The following TCOF1 variants were observed in gnomAD, a reference collection of about 807,000 sequenced individuals.
The protein encoded by TCOF1 is treacle ribosome biogenesis factor 1.
In TCOF1, 33 loss-of-function variants were observed where a neutral mutation model predicts 149.0. The observed-to-expected ratio is 0.22, with a 90% CI of 0.17 to 0.30. The LOEUF (loss-of-function observed/expected upper bound fraction) is 0.30. Among genes scored for constraint, TCOF1 ranks in the 10% least tolerant of loss-of-function variants. The pLI is 1.00. For missense variants in TCOF1, 1,728 were observed against 1,840.7 expected, an observed-to-expected ratio of 0.94 and a Z score of 1.12; for synonymous variants, 789 against 738.8, an observed-to-expected ratio of 1.07 and a Z score of -1.10.
intron 23 of TCOF1, 68 bp from the exon 24 acceptor site, chr5:150,396,214 C>T (rs1768470781): frequency 1.3e-6 from 2 of 1,570,124 alleles, no homozygotes; most frequent in Admixed American, 1.7e-5. Flanking sequence ...ACCCTCTTCG[C>T]TCTTAGGTAC....
At position 150,369,580 on chromosome 5, in the gene TCOF1, C is replaced by T; in HGVS notation, c.617C>T (p.Ser206Phe). ...AGCTCCAGCGAGGACACCTCCAGCT[C>T]CAGTGATGAGACAGACGTGGAGGTA... ...ADSSSEDTSS[S>F]SDETDVEGKP... The change falls in exon 6 of 27, where the codon TCC becomes TTC. Residue 206 changes from serine (S) to phenylalanine (F), a missense_variant. Transcript: ENST00000643257. The T allele has an allele frequency of 6.2e-7, 1 of 1,614,142 alleles. No homozygotes were observed. The highest frequency in any genetic ancestry group is 8.5e-7 in the Non-Finnish European group (1 of 1,180,026).
At chr5:150,396,259 G>A (rs370528735) in intron 23 of TCOF1, 23 bp from the exon 24 acceptor site, 2 of 1,613,598 alleles carry the variant, frequency 1.2e-6, no homozygotes, top group South Asian at 1.1e-5. Context: ...CCAGATCTGT[G>A]ACCCCACATT....
chr5:150,374,254 A>C lies in TCOF1; in HGVS notation c.951A>C (p.Pro317=), dbSNP rs755951077. The change falls in exon 8 of 27, where the codon CCA becomes CCC. Residue 317 remains proline, a synonymous_variant. Transcript: ENST00000643257. The part of the protein sequence containing the change: ...AKGTPGKGAT[P]APPGKAGAVA... ...GGACCCCTGGGAAAGGGGCTACCCC[A>C]GCACCCCCTGGGAAGGCAGGGGCTG... is the stretch of plus-strand genomic sequence containing the variant. The C allele has an allele frequency of 9.3e-6, 15 of 1,609,290 alleles. No individual in the cohort carries two copies. The highest frequency in any genetic ancestry group is 6.7e-5 in the Admixed American group (4 of 59,456).
intron 1 of TCOF1, among the ~76,000 whole-genome samples, chr5:150,360,239 C>T (rs536750317): frequency 2.6e-5 from 4 of 152,332 alleles, no homozygotes; most frequent in Non-Finnish European, 5.9e-5. Context: ...TCAGTCCACC[C>T]GTGCCCCACA....
At chr5:150,394,574 A>G (rs1768053382) in intron 23 of TCOF1, 1 of 152,268 alleles carries the variant, frequency 6.6e-6, no homozygotes. Context: ...CACTTGGGAC[A>G]GCTCCAGGGC....
chr5:150,381,454 AGAT>A (rs944690061), intron 17 of TCOF1, among the ~76,000 whole-genome samples: 4 of 152,146 alleles, frequency 2.6e-5, no homozygotes, highest in Non-Finnish European at 4.4e-5. Context: ...GAAAAGGAGG[AGAT>A]GATTGAGCTG....
intron 2 of TCOF1, among the ~76,000 whole-genome samples, chr5:150,363,733 G>T (rs933803533): frequency 7.2e-5 from 11 of 152,230 alleles, no homozygotes; most frequent in African/African-American, 2.7e-4. Flanking sequence ...AGACGGGAAG[G>T]ACGAGGACCT....
rs574236733 is a variant in TCOF1, at chr5:150,373,963, A to G, written c.871-211A>G. On this transcript the variant is annotated intron_variant, in intron 7 of 26. Coordinates refer to ENST00000643257, the MANE Select transcript of TCOF1 (RefSeq NM_001371623.1). ...GGCTAAGTGAAATGGAACAGGGGGC[A>G]TGGAGGCTCCAGGAGTGAGAGTGTG... Among the ~76,000 whole-genome samples the G allele has an allele frequency of 2.4e-4, 36 of 152,292 alleles. No individual in the cohort carries two copies. In the South Asian group the frequency reaches 6.8e-3, roughly 29 times the overall value.
chr5:150,395,550 T>A (rs55829934), intron 23 of TCOF1, among the ~76,000 whole-genome samples: 1,736 of 151,756 alleles, frequency 0.011, 34 homozygotes, highest in Non-Finnish European at 0.019. Flanking sequence ...TTTTTTTTTT[T>A]ACACGTGTAG....
In TCOF1 at chr5:150,396,683, G is replaced by T. The variant is rs371540388; in HGVS notation, c.4186G>T (p.Ala1396Ser). 26 of 1,612,546 alleles carry T rather than the reference G, an allele frequency of 1.6e-5. No individual in the cohort carries two copies. Among genetic ancestry groups the T allele is most frequent in the South Asian group, 1.2e-4 (11 of 90,864 alleles). ...TSKGKAKRDKASGDVKEKKGK... is the reference protein window; with the variant it reads ...TSKGKAKRDKSSGDVKEKKGK... ...CAAGGGGAAAGCAAAGAGAGACAAA[G>T]CAAGTGGTGATGTCAAGGAGAAGAA... Residue 1396 changes from alanine (A) to serine (S), a missense_variant, in exon 24 of 27, where the codon GCA (alanine) becomes TCA (serine). Ala to Ser is a moderately conservative substitution (Grantham distance 99). Around this residue, in one of 2 missense-constraint regions of TCOF1, gnomAD observed 1,696 missense variants for 1,765.4 expected, o/e 0.96. Transcript: ENST00000643257.
rs370130791 is a variant in TCOF1 at position 150,388,012 on chromosome 5, G to C, written c.2970G>C (p.Ser990=). 33 of 1,613,690 alleles carry C rather than the reference G, an allele frequency of 2.0e-5. No homozygotes were observed. The highest frequency in any genetic ancestry group is 2.5e-5 in the Non-Finnish European group (30 of 1,180,032). Reference sequence around the variant, plus strand: ...GCACCCCGAGGAAGGCCCGAGCCTCGGAGAGCACAGCCAGGAGCTCCTCCT... The same window carrying C: ...GCACCCCGAGGAAGGCCCGAGCCTCCGAGAGCACAGCCAGGAGCTCCTCCT... The part of the protein sequence containing the change: ...AASTPRKARA[S]ESTARSSSSE... The change falls in exon 18 of 27, where the codon TCG becomes TCC. Residue 990 remains serine, a synonymous_variant. Coordinates refer to ENST00000643257, the MANE Select transcript of TCOF1 (RefSeq NM_001371623.1).
At position 150,374,632 on chromosome 5, in the gene TCOF1, A is replaced by G; in HGVS notation, c.1099A>G (p.Lys367Glu). Residue 367 changes from lysine (K) to glutamate (E), a missense_variant, in exon 9 of 27, where the codon AAA (lysine) becomes GAA (glutamate). Lys to Glu is a moderately conservative substitution (Grantham distance 56, BLOSUM62 1). Around this residue, in one of 2 missense-constraint regions of TCOF1, gnomAD observed 1,696 missense variants for 1,765.4 expected, o/e 0.96. Transcript: ENST00000643257. ...GTTTCTCCAGGCGAAGGCCTCAGGA[A>G]AAACCTCTCAGGTCGGAGCTGCCTC... ...KALLQAKASG[K>E]TSQVGAASAP... 2 of 1,612,636 alleles carry G rather than the reference A, an allele frequency of 1.2e-6. No homozygotes were observed. Among genetic ancestry groups the G allele is most frequent in the East Asian group, 2.2e-5 (1 of 44,748 alleles).
chr5:150,385,052 G>C (rs1441662942), intron 17 of TCOF1: 1 of 985,264 alleles, frequency 1.0e-6, no homozygotes, highest in Non-Finnish European at 1.2e-6. Context: ...ACAGCTTCCA[G>C]ATTTAAAAAC....
chr5:150,372,194 A>G lies in TCOF1; in HGVS notation c.828A>G (p.Gly276=), dbSNP rs1257987922. The change falls in exon 7 of 27, where the codon GGA becomes GGG. Residue 276 remains glycine, a synonymous_variant. Coordinates refer to ENST00000643257, the MANE Select transcript of TCOF1 (RefSeq NM_001371623.1). The part of the protein sequence containing the change: ...PEEESESSEE[G]SESEEEAPAG... Reference sequence around the variant, plus strand: ...AGGAGTCAGAGAGTAGTGAGGAGGGATCTGAAAGTGAGGAGGAGGCCCCTG... The same window carrying G: ...AGGAGTCAGAGAGTAGTGAGGAGGGGTCTGAAAGTGAGGAGGAGGCCCCTG... The G allele has an allele frequency of 6.2e-7, 1 of 1,602,048 alleles. No individual in the cohort carries two copies. Among genetic ancestry groups the G allele is most frequent in the African/African-American group, 1.3e-5 (1 of 74,808 alleles).
chr5:150,368,296 CTA>C lies in TCOF1; in HGVS notation c.378+380_378+381del. ...TCAAGACATCTGTGGTTCTGAAACT[CTA>C]AAAGCATTTTCCAAACTGGAAACTG... is the stretch of plus-strand genomic sequence containing the variant. On this transcript the variant is annotated intron_variant, in intron 4 of 26. Transcript: ENST00000643257. 8.5e-6 allele frequency: 3 copies of C among 351,154 alleles called. 1 individual carries two copies. The South Asian group carries it at 9.0e-5, about 10-fold the overall frequency. The allele number at this position is 351,154 out of a possible 1,614,324, so 21.8% of individuals were successfully genotyped here.
In TCOF1 at chr5:150,392,069, C is replaced by T; in HGVS notation, c.3410C>T (p.Thr1137Ile). Residue 1137 changes from threonine to isoleucine, a missense_variant, in exon 21 of 27, where the codon ACC (threonine) becomes ATC (isoleucine). Physicochemically the swap from Thr to Ile is moderately conservative, Grantham distance 89. Around this residue, in one of 2 missense-constraint regions of TCOF1, gnomAD observed 1,696 missense variants for 1,765.4 expected, o/e 0.96. Coordinates refer to ENST00000643257, the MANE Select transcript of TCOF1 (RefSeq NM_001371623.1). The stretch of plus-strand genomic sequence containing the variant: ...AAGCTTCCTGAGGTCCAGCAGGCCA[C>T]CAAAGCCCCTGAGAGCTCAGATGAC... ...KPKLPEVQQA[T>I]KAPESSDDSE... 1.2e-6 allele frequency: 2 copies of T among 1,614,252 alleles called. No homozygotes were observed. The highest frequency in any genetic ancestry group is 8.5e-7 in the Non-Finnish European group (1 of 1,180,054).
rs1220111563 is a variant in TCOF1, at chr5:150,396,814, CAAG to C, written c.4321_4323del (p.Lys1441del). On this transcript the variant is annotated inframe_deletion, in exon 24 of 27. Coordinates refer to ENST00000643257, the MANE Select transcript of TCOF1 (RefSeq NM_001371623.1). ...GTGGAGATCAAAGCAACCCAAAGAG[CAAG>C]AAGGAGAAGAAGAAATCCGACAAGA... The C allele has an allele frequency of 2.5e-6, 4 of 1,607,140 alleles. No individual in the cohort carries two copies. The highest frequency in any genetic ancestry group is 2.5e-6 in the Non-Finnish European group (3 of 1,177,268).
At chr5:150,384,077 G>C in intron 17 of TCOF1, 1 of 1,297,180 alleles carries the variant, frequency 7.7e-7, no homozygotes. Context: ...CTGGAGTTCT[G>C]CAACCTCCAG....
At chr5:150,365,322 C>T (rs1025955649) in intron 3 of TCOF1, among the ~76,000 whole-genome samples, 5 of 150,148 alleles carry the variant, frequency 3.3e-5, no homozygotes, top group East Asian at 1.9e-4. Flanking sequence ...TCAGGTGATC[C>T]GCCCACCTTG....
Sources: gnomAD v4.1 joint callset for allele counts (sites outside exome capture counted in the v4.1 genomes callset) on GRCh38, gnomAD v4.1.1 for gene constraint, gnomAD v4.1.1 regional missense constraint, MANE v1.5 for transcripts, NCBI Gene and HGNC (gene_info 2026-07-23, HGNC 2026-07-21) for gene names.